ZNF536: variants seen among roughly 807,000 people sequenced by gnomAD.
ZNF536 encodes zinc finger protein 536.
ZNF536 carries 13 observed loss-of-function variants against 84.5 expected under a neutral mutation model. That is an observed-to-expected ratio of 0.15 (90% CI 0.10 to 0.24). The LOEUF (loss-of-function observed/expected upper bound fraction) is 0.24. Among genes scored for constraint, ZNF536 ranks in the 10% least tolerant of loss-of-function variants. The pLI, the probability that ZNF536 is intolerant of heterozygous loss-of-function variation, is 1.00. For missense variants in ZNF536, 1,536 were observed against 1,747.5 expected, an observed-to-expected ratio of 0.88 and a Z score of 2.16; for synonymous variants, 811 against 742.5, an observed-to-expected ratio of 1.09 and a Z score of -1.50.
intron 1 of ZNF536, among the ~76,000 whole-genome samples, chr19:30,626,035 A>G (rs763940297): frequency 2.6e-5 from 4 of 152,246 alleles, no homozygotes; most frequent in Non-Finnish European, 4.4e-5. Flanking sequence ...TTATTTACCA[A>G]GAAAAAAACA....
chr19:30,671,835 C>T (rs1168696001), intron 1 of ZNF536, among the ~76,000 whole-genome samples: 1 of 152,228 alleles, frequency 6.6e-6, no homozygotes, highest in Admixed American at 6.5e-5. Context: ...TGCCAAGATC[C>T]TTGCTTGGCA....
chr19:30,594,206 G>A (rs1383526681), intron 1 of ZNF536, among the ~76,000 whole-genome samples: 2 of 152,214 alleles, frequency 1.3e-5, no homozygotes, highest in African/African-American at 4.8e-5. Context: ...ACGTATAGCT[G>A]TCACCATGCC....
chr19:30,299,387 T>C (rs2145909447), intron 2 of ZNF536, among the ~76,000 whole-genome samples: 1 of 152,270 alleles, frequency 6.6e-6, no homozygotes, highest in Non-Finnish European at 1.5e-5. Context: ...TAGCCAAAAA[T>C]ATTGTCCAGT....
intron 1 of ZNF536, among the ~76,000 whole-genome samples, chr19:30,575,905 C>T (rs924415144): frequency 6.6e-5 from 10 of 152,104 alleles, no homozygotes; most frequent in African/African-American, 1.9e-4. Flanking sequence ...GGGGGAGGGA[C>T]GGGTCACAGA....
chr19:30,282,404 C>G (rs546569235), intron 1 of ZNF536, among the ~76,000 whole-genome samples: 1 of 130,042 alleles, frequency 7.7e-6, no homozygotes, highest in Non-Finnish European at 1.9e-5. Context: ...ATCACTGCCC[C>G]GGTGCCAACT....
chr19:30,682,779 C>T (rs7250290), intron 1 of ZNF536, among the ~76,000 whole-genome samples: 2 of 152,142 alleles, frequency 1.3e-5, no homozygotes, highest in East Asian at 1.9e-4. Flanking sequence ...GGCAGCACCT[C>T]TGGCCCCGGA....
intron 2 of ZNF536, among the ~76,000 whole-genome samples, chr19:30,479,123 C>G (rs993945936): frequency 6.6e-6 from 1 of 152,180 alleles, no homozygotes; most frequent in South Asian, 2.1e-4. Flanking sequence ...ATAAATACAC[C>G]CTAACATCTC....
chr19:30,259,744 G>T (rs1385055427), intron 1 of ZNF536, among the ~76,000 whole-genome samples: 5 of 152,016 alleles, frequency 3.3e-5, no homozygotes, highest in African/African-American at 1.2e-4. Context: ...ACAGATAGGT[G>T]GTTATCGGGT....
At chr19:30,313,589 A>T (rs1297600571) in intron 2 of ZNF536, among the ~76,000 whole-genome samples, 2 of 152,078 alleles carry the variant, frequency 1.3e-5, no homozygotes, top group Non-Finnish European at 2.9e-5. Flanking sequence ...CATGACCTCC[A>T]AAGCCTCCCA....
Position 30,672,003 on chromosome 19 carries a change from C to T in ZNF536, c.170-38754C>T, listed in dbSNP as rs963136046. On this transcript the variant is annotated intron_variant, in intron 1 of 1. Transcript: ENST00000592773. ...GGAGCGTGGTCACCGCCCTGGGACCCGGCCCACTCAGCCAAGGCTATGTCA... is the reference window on the plus strand; with the variant it reads ...GGAGCGTGGTCACCGCCCTGGGACCTGGCCCACTCAGCCAAGGCTATGTCA... 5.9e-5 allele frequency among the ~76,000 whole-genome samples: 9 copies of T among 152,178 alleles called. 1 individual carries two copies. The highest frequency in any genetic ancestry group is 3.3e-4 in the Admixed American group (5 of 15,282).
chr19:30,421,170 C>T (rs778243369), intron 1 of ZNF536, among the ~76,000 whole-genome samples: 6 of 152,060 alleles, frequency 3.9e-5, no homozygotes, highest in Non-Finnish European at 7.4e-5. Flanking sequence ...GAGGATCCAG[C>T]GTGCAGAGAA....
chr19:30,297,581 T>A (rs2145884623), intron 2 of ZNF536, among the ~76,000 whole-genome samples: 1 of 152,316 alleles, frequency 6.6e-6, no homozygotes, highest in South Asian at 2.1e-4. Context: ...TATTTTTTCC[T>A]CAGTGTAGCA....
chr19:30,602,716 T>C lies in ZNF536; in HGVS notation c.169+53202T>C, dbSNP rs561037920. Among the ~76,000 whole-genome samples the C allele has an allele frequency of 3.3e-5, 5 of 152,278 alleles. No individual in the cohort carries two copies. In the South Asian group the frequency reaches 1.0e-3, roughly 32 times the overall value. On this transcript the variant is annotated intron_variant, in intron 1 of 1. Transcript: ENST00000592773. Reference sequence around the variant, plus strand: ...GGAGCAACAGATGCAGGGTTTGTGCTAGCTCAGTCTCAGATTGGGAGGATC... The same window carrying C: ...GGAGCAACAGATGCAGGGTTTGTGCCAGCTCAGTCTCAGATTGGGAGGATC...
rs201542417 is a variant in ZNF536, at chr19:30,443,782, G to C, written c.220G>C (p.Gly74Arg). Residue 74 changes from glycine to arginine, a missense_variant, in exon 2 of 5, where the codon GGC (glycine) becomes CGC (arginine). By Grantham distance (125) the Gly-to-Arg change is moderately radical. Around this residue, in one of 8 missense-constraint regions of ZNF536, gnomAD observed 161 missense variants for 178.5 expected, o/e 0.90. Coordinates refer to ENST00000355537, the MANE Select transcript of ZNF536 (RefSeq NM_014717.3). Reference protein sequence around the residue: ...LEEKAHVPMSGQPMGSQMALL... With the variant: ...LEEKAHVPMSRQPMGSQMALL... ...GGAGAAGGCCCACGTGCCCATGAGCGGCCAGCCCATGGGCAGTCAGATGGC... is the reference window on the plus strand; with the variant it reads ...GGAGAAGGCCCACGTGCCCATGAGCCGCCAGCCCATGGGCAGTCAGATGGC... 5 of 1,612,730 alleles carry C rather than the reference G, an allele frequency of 3.1e-6. No homozygotes were observed. The East Asian group carries it at 6.7e-5, about 22-fold the overall frequency.
At chr19:30,314,508 A>T (rs747017114) in intron 2 of ZNF536, among the ~76,000 whole-genome samples, 3 of 152,058 alleles carry the variant, frequency 2.0e-5, no homozygotes, top group Non-Finnish European at 4.4e-5. Flanking sequence ...GGCTGCCCTC[A>T]TAGAGAAAAG....
intron 1 of ZNF536, among the ~76,000 whole-genome samples, chr19:30,578,022 A>G (rs2046798736): frequency 6.6e-6 from 1 of 152,152 alleles, no homozygotes; most frequent in Non-Finnish European, 1.5e-5. Context: ...GGGATGGGAG[A>G]GCCTCTGTTG....
chr19:30,668,751 T>C (rs1257612392), intron 1 of ZNF536: 1 of 152,290 alleles, frequency 6.6e-6, no homozygotes, highest in Non-Finnish European at 1.5e-5. Context: ...AGGTGCCCAG[T>C]TCTTGGCTGG....
chr19:30,277,299 A>T (rs1341832970), intron 1 of ZNF536, among the ~76,000 whole-genome samples: 1 of 152,058 alleles, frequency 6.6e-6, no homozygotes, highest in Admixed American at 6.5e-5. Flanking sequence ...GCTTTTTTTC[A>T]TGCTAAAGCA....
At chr19:30,270,453 A>G (rs1177906126) in intron 1 of ZNF536, among the ~76,000 whole-genome samples, 1 of 152,228 alleles carries the variant, frequency 6.6e-6, no homozygotes, top group Non-Finnish European at 1.5e-5. Context: ...AGACAAAAGA[A>G]CAATTGCACT....
Sources: allele counts gnomAD v4.1 joint callset (sites outside exome capture counted in the v4.1 genomes callset), GRCh38; gene constraint gnomAD v4.1.1; regional missense constraint gnomAD v4.1.1; transcripts MANE v1.5; gene names NCBI Gene and HGNC (gene_info 2026-07-23, HGNC 2026-07-21).